The following EYS variants were observed in gnomAD, a reference collection of about 807,000 sequenced individuals.
The protein encoded by EYS is EGF-like photoreceptor maintenance factor, also known as protein eyes shut homolog.
Under a neutral mutation model 282.1 loss-of-function variants are expected in EYS, and 250 were observed. The ratio of observed to expected loss-of-function variants is 0.89; its 90% CI spans 0.80 to 0.98. The LOEUF (loss-of-function observed/expected upper bound fraction) is 0.98, where lower values mean the gene tolerates loss of function less well. Ranked by LOEUF, EYS falls within the 50% of genes least tolerant of loss-of-function variation. EYS has a pLI of 0.00. For missense variants in EYS, 4,016 were observed against 3,709.0 expected (o/e 1.08, Z -2.15); for synonymous variants, 1,355 against 1,282.9 (o/e 1.06, Z -1.20).
At chr6:64,580,026 T>A (rs1308213545) in intron 26 of EYS, among the ~76,000 whole-genome samples, 2 of 152,140 alleles carry the variant, frequency 1.3e-5, no homozygotes, top group African/African-American at 4.8e-5. Flanking sequence ...ATTTATTTAT[T>A]TTTTTAAGTC....
chr6:65,522,925 C>T (rs1434829165), intron 2 of EYS, among the ~76,000 whole-genome samples: 2 of 152,158 alleles, frequency 1.3e-5, no homozygotes, highest in African/African-American at 4.8e-5. Flanking sequence ...CAGAACACAA[C>T]AAAACATGAA....
chr6:65,089,059 A>G (rs557930497), intron 12 of EYS, among the ~76,000 whole-genome samples: 1 of 152,146 alleles, frequency 6.6e-6, no homozygotes, highest in Admixed American at 6.6e-5. Context: ...AAATGCCTAG[A>G]TGTCCAGGCA....
intron 26 of EYS, 84 bp downstream of exon 26, chr6:64,590,139 C>G (rs1766356996): frequency 2.4e-6 from 3 of 1,240,740 alleles, no homozygotes; most frequent in Non-Finnish European, 2.2e-6. Context: ...TTCAGAGCAC[C>G]CGGTGACCAT....
chr6:64,789,401 C>T (rs939950932), intron 22 of EYS, among the ~76,000 whole-genome samples: 3 of 152,092 alleles, frequency 2.0e-5, no homozygotes, highest in African/African-American at 7.2e-5. Context: ...TGCACATACA[C>T]GTTCTCTCAT....
At chr6:63,740,759 C>T (rs1234461424) in intron 41 of EYS, among the ~76,000 whole-genome samples, 1 of 152,160 alleles carries the variant, frequency 6.6e-6, no homozygotes, top group Non-Finnish European at 1.5e-5. Context: ...AGCTTGAGTA[C>T]TGAAAATTCT....
chr6:64,946,597 T>C (rs2150096560), intron 14 of EYS, among the ~76,000 whole-genome samples: 1 of 152,088 alleles, frequency 6.6e-6, no homozygotes, highest in East Asian at 1.9e-4. Context: ...TTTTGGGCTT[T>C]TGTCTGTAGA....
At chr6:65,149,803 C>A (rs1337279462) in intron 12 of EYS, among the ~76,000 whole-genome samples, 1 of 152,078 alleles carries the variant, frequency 6.6e-6, no homozygotes, top group Non-Finnish European at 1.5e-5. Flanking sequence ...CTATTTATTG[C>A]ACTAGTTTGT....
intron 36 of EYS, among the ~76,000 whole-genome samples, chr6:63,824,151 G>A (rs984371441): frequency 2.0e-5 from 3 of 152,162 alleles, no homozygotes; most frequent in African/African-American, 4.8e-5. Flanking sequence ...TCACAGGCAA[G>A]TTCTAAATAA....
chr6:64,101,451 T>G (rs115932165), intron 31 of EYS, among the ~76,000 whole-genome samples: 12 of 152,260 alleles, frequency 7.9e-5, no homozygotes, highest in African/African-American at 1.9e-4. Context: ...TCATGTATAT[T>G]CATGATGCAT....
intron 35 of EYS, among the ~76,000 whole-genome samples, chr6:63,916,858 C>T (rs1764435911): frequency 6.6e-6 from 1 of 152,112 alleles, no homozygotes; most frequent in South Asian, 2.1e-4. Context: ...TGGAGAAAAG[C>T]AGCAATGAAA....
At chr6:65,161,124 A>C (rs1764841449) in intron 12 of EYS, among the ~76,000 whole-genome samples, 1 of 151,000 alleles carries the variant, frequency 6.6e-6, no homozygotes, top group Admixed American at 6.6e-5. Context: ...TTTTATCTTC[A>C]GTAAGCAATA....
intron 33 of EYS, among the ~76,000 whole-genome samples, chr6:64,010,196 G>A (rs1410686264): frequency 1.4e-4 from 21 of 152,222 alleles, no homozygotes; most frequent in Admixed American, 1.3e-3. Flanking sequence ...AAAGCACTGC[G>A]TCGGGGTGGC....
At chr6:64,327,113 G>C (rs1169262129) in intron 29 of EYS, among the ~76,000 whole-genome samples, 1 of 152,118 alleles carries the variant, frequency 6.6e-6, no homozygotes, top group Non-Finnish European at 1.5e-5. Context: ...CGTGATGTGG[G>C]GAGGCACGGA....
At chr6:65,367,072 G>T (rs901360093) in intron 8 of EYS, among the ~76,000 whole-genome samples, 6 of 151,556 alleles carry the variant, frequency 4.0e-5, no homozygotes, top group African/African-American at 1.4e-4. Flanking sequence ...AACATCCATA[G>T]GTTATGGGGA....
chr6:65,582,638 C>T (rs1324785657), intron 2 of EYS, among the ~76,000 whole-genome samples: 1 of 152,014 alleles, frequency 6.6e-6, no homozygotes, highest in Admixed American at 6.6e-5. Flanking sequence ...TCAACAAACC[C>T]ATACACTCCC....
At chr6:65,580,257 G>T (rs1764821522) in intron 2 of EYS, among the ~76,000 whole-genome samples, 3 of 152,010 alleles carry the variant, frequency 2.0e-5, no homozygotes, top group Admixed American at 2.0e-4. Flanking sequence ...TGTTCTATTT[G>T]GAGAAAAGAT....
At chr6:63,822,964 A>G (rs970297881) in intron 36 of EYS, among the ~76,000 whole-genome samples, 4 of 152,140 alleles carry the variant, frequency 2.6e-5, no homozygotes, top group African/African-American at 9.7e-5. Context: ...TAAAACAATT[A>G]TGTCTGTTGA....
intron 14 of EYS, among the ~76,000 whole-genome samples, chr6:64,955,665 G>C (rs773940270): frequency 6.6e-6 from 1 of 152,160 alleles, no homozygotes; most frequent in African/African-American, 2.4e-5. Context: ...CTATCCCATG[G>C]GTTTTGCTTA....
chr6:64,566,067 G>T (rs549085459), intron 26 of EYS, among the ~76,000 whole-genome samples: 27 of 151,292 alleles, frequency 1.8e-4, no homozygotes, highest in Non-Finnish European at 3.7e-4. Flanking sequence ...CTAAATACAT[G>T]GCTTTCTATA....
Sources: allele counts gnomAD v4.1 joint callset (sites outside exome capture counted in the v4.1 genomes callset), GRCh38; gene constraint gnomAD v4.1.1; transcripts MANE v1.5; gene names NCBI Gene and HGNC (gene_info 2026-07-23, HGNC 2026-07-21).